Variants in NDE1 observed in about 807,000 individuals in gnomAD.
The protein encoded by NDE1 is nudE neurodevelopment protein 1.
NDE1 carries 28 observed loss-of-function variants against 43.4 expected under a neutral mutation model. That is an observed-to-expected ratio of 0.65 (90% CI 0.48 to 0.89). The LOEUF is 0.89. Ranked by LOEUF, NDE1 falls within the 40% of genes least tolerant of loss-of-function variation. The pLI is 0.00. For synonymous variants in NDE1, 184 were observed against 172.0 expected, an observed-to-expected ratio of 1.07 and a Z score of -0.55; for missense variants, 441 against 434.1, an observed-to-expected ratio of 1.02 and a Z score of -0.14.
At chr16:15,682,080 G>T (rs1268263208) in intron 4 of NDE1, among the ~76,000 whole-genome samples, 1 of 152,088 alleles carries the variant, frequency 6.6e-6, no homozygotes, top group African/African-American at 2.4e-5. Flanking sequence ...AACGTGCATT[G>T]TTTTTGTTAA....
chr16:15,695,173 C>T (rs186769804), intron 7 of NDE1, among the ~76,000 whole-genome samples: 22 of 144,318 alleles, frequency 1.5e-4, no homozygotes, highest in African/African-American at 5.0e-4. Context: ...GACAGCACGA[C>T]GTTGTCTCAG....
intron 1 of NDE1, among the ~76,000 whole-genome samples, chr16:15,655,424 C>T (rs1299917907): frequency 6.6e-6 from 1 of 152,176 alleles, no homozygotes; most frequent in Non-Finnish European, 1.5e-5. Context: ...GGATTACAGG[C>T]GTGAGCCATC....
chr16:15,673,259 G>T (rs940219488), intron 3 of NDE1, among the ~76,000 whole-genome samples: 11 of 152,110 alleles, frequency 7.2e-5, no homozygotes, highest in Middle Eastern at 6.8e-3. Flanking sequence ...ACCCAAGCTG[G>T]AGTGCAGGGG....
At chr16:15,654,429 G>A (rs1204039403) in intron 1 of NDE1, among the ~76,000 whole-genome samples, 6 of 151,498 alleles carry the variant, frequency 4.0e-5, no homozygotes, top group Non-Finnish European at 8.8e-5. Flanking sequence ...GCGAAACCCC[G>A]TCTCTCCTAA....
At position 15,719,311 on chromosome 16, in the gene NDE1, AG is replaced by A; in HGVS notation, c.948-4878del. The A allele has an allele frequency of 3.1e-6, 5 of 1,610,178 alleles. No homozygotes were observed. Among genetic ancestry groups the A allele is most frequent in the Non-Finnish European group, 4.2e-6 (5 of 1,179,912 alleles). Reference sequence around the variant, plus strand: ...GCCCTCTCAGCGGCGGCGAGGTCCTAGGTGGGAGGGAGGAAGGCTGTTGTCT... The same window carrying A: ...GCCCTCTCAGCGGCGGCGAGGTCCTAGTGGGAGGGAGGAAGGCTGTTGTCT... On this transcript the variant is annotated intron_variant, in intron 8 of 8. Coordinates refer to ENST00000396354, the MANE Select transcript of NDE1 (RefSeq NM_017668.3).
chr16:15,710,146 T>C (rs2039697112), intron 8 of NDE1, among the ~76,000 whole-genome samples: 1 of 152,176 alleles, frequency 6.6e-6, no homozygotes, highest in African/African-American at 2.4e-5. Context: ...AATGGTCTTT[T>C]TGTTCCACTT....
chr16:15,655,485 A>G (rs1346231354), intron 1 of NDE1, among the ~76,000 whole-genome samples: 1 of 152,126 alleles, frequency 6.6e-6, no homozygotes, highest in Non-Finnish European at 1.5e-5. Context: ...AAAATCTTAT[A>G]CTTTTAAGGA....
intron 4 of NDE1, among the ~76,000 whole-genome samples, chr16:15,683,592 C>T (rs1034633711): frequency 2.6e-5 from 4 of 152,020 alleles, no homozygotes; most frequent in African/African-American, 9.7e-5. Context: ...GTGATCCACC[C>T]GCCTCAGCCT....
rs951297859 is a variant in NDE1, at chr16:15,718,398, T to A, written c.948-5793T>A. ...TCCAGCTCCTCCTCCAGCTGGGCGA[T>A]CCGGGCCTCCAGGCGGCGCTTCTCG... On this transcript the variant is annotated intron_variant, in intron 8 of 8. Transcript: ENST00000396354. 1 of 1,597,684 alleles carries A rather than the reference T, an allele frequency of 6.3e-7. No homozygotes were observed. Among genetic ancestry groups the A allele is most frequent in the Admixed American group, 1.7e-5 (1 of 59,150 alleles).
At chr16:15,722,785 G>A (rs11640457) in intron 8 of NDE1, among the ~76,000 whole-genome samples, 1 of 152,160 alleles carries the variant, frequency 6.6e-6, no homozygotes, top group African/African-American at 2.4e-5. Context: ...CCATCACTCA[G>A]GCTGGGGTGT....
chr16:15,711,437 T>A (rs576814486), intron 8 of NDE1, among the ~76,000 whole-genome samples: 1 of 152,218 alleles, frequency 6.6e-6, no homozygotes, highest in Non-Finnish European at 1.5e-5. Flanking sequence ...TAGCTAGATA[T>A]TGAACTTGAT....
intron 5 of NDE1, 95 bp from the exon 6 acceptor site, chr16:15,691,049 C>T (rs933080141): frequency 6.7e-6 from 10 of 1,482,292 alleles, no homozygotes; most frequent in Middle Eastern, 2.2e-4. Flanking sequence ...CTCAGGCGAT[C>T]CACCTGCCTT....
At position 15,725,215 on chromosome 16, in the gene NDE1, A is replaced by C. The variant is rs2040695811; in HGVS notation, c.*964A>C. ...GGAACTCCGTCACCTATGAGTTGGGACCCTGGCCCTAGACTCTGTGGTTCT... is the reference window on the plus strand; with the variant it reads ...GGAACTCCGTCACCTATGAGTTGGGCCCCTGGCCCTAGACTCTGTGGTTCT... On this transcript the variant is annotated 3_prime_UTR_variant, in exon 9 of 9. Coordinates refer to ENST00000396354, the MANE Select transcript of NDE1 (RefSeq NM_017668.3). 1.6e-6 allele frequency: 1 copy of C among 610,150 alleles called. No homozygotes were observed. Among genetic ancestry groups the C allele is most frequent in the Non-Finnish European group, 2.9e-6 (1 of 347,120 alleles). The allele number at this position is 610,150 out of a possible 1,614,324, so 37.8% of individuals were successfully genotyped here.
intron 3 of NDE1, among the ~76,000 whole-genome samples, chr16:15,675,946 C>T (rs913810366): frequency 3.9e-5 from 6 of 152,050 alleles, no homozygotes; most frequent in Admixed American, 6.6e-5. Context: ...TTCATGTCTC[C>T]AAAGTGGGAT....
intron 3 of NDE1, among the ~76,000 whole-genome samples, chr16:15,668,892 T>G (rs1275948629): frequency 1.3e-5 from 2 of 152,040 alleles, no homozygotes; most frequent in African/African-American, 4.8e-5. Flanking sequence ...CTTTGTGGGT[T>G]TTTTGTTTGT....
intron 8 of NDE1, chr16:15,719,791 C>CCCA: frequency 6.3e-7 from 1 of 1,590,000 alleles, no homozygotes; most frequent in Non-Finnish European, 8.6e-7. Flanking sequence ...GCTTTGCACA[C>CCCA]CCACCCCTTG....
chr16:15,648,539 C>T (rs1238904483), upstream of NDE1, among the ~76,000 whole-genome samples: 1 of 152,076 alleles, frequency 6.6e-6, no homozygotes, highest in Non-Finnish European at 1.5e-5. Context: ...TTCTGAGTTA[C>T]ATGGCTCACG....
intron 3 of NDE1, among the ~76,000 whole-genome samples, chr16:15,674,709 CCTTTTTTTTTG>C (rs1162743197): frequency 6.6e-6 from 1 of 152,062 alleles, no homozygotes; most frequent in African/African-American, 2.4e-5. Flanking sequence ...CATTGAGATT[CCTTTTTTTTTG>C]CTTTTTGAGA....
intron 1 of NDE1, among the ~76,000 whole-genome samples, chr16:15,653,706 CAA>C (rs755713367): frequency 9.3e-5 from 11 of 118,860 alleles, no homozygotes; most frequent in Non-Finnish European, 1.1e-4. Context: ...GTAAAACATG[CAA>C]AAAAAAAAAA....
Sources: allele counts gnomAD v4.1 joint callset (sites outside exome capture counted in the v4.1 genomes callset), GRCh38; gene constraint gnomAD v4.1.1; transcripts MANE v1.5; gene names NCBI Gene and HGNC (gene_info 2026-07-23, HGNC 2026-07-21).